Variants in ABTB3 observed in about 807,000 individuals in gnomAD.
ABTB3 encodes ankyrin repeat and BTB domain containing 3, also known as ankyrin repeat- and BTB/POZ domain-containing protein 3.
At chr12:107,434,402 G>A in the ABTB3 span, among the ~76,000 whole-genome samples, 8 of 152,122 alleles carry the variant, frequency 5.3e-5, no homozygotes, top group Admixed American at 2.6e-4. Flanking sequence ...CACCCACAGC[G>A]TCTGCTACAG....
At chr12:107,327,188 G>C in the ABTB3 span, among the ~76,000 whole-genome samples, 1 of 152,130 alleles carries the variant, frequency 6.6e-6, no homozygotes, top group Admixed American at 6.5e-5. Context: ...AATTTAGTAA[G>C]ACTTTCATCT....
chr12:107,375,042 A>G, the ABTB3 span, among the ~76,000 whole-genome samples: 1 of 152,168 alleles, frequency 6.6e-6, no homozygotes, highest in South Asian at 2.1e-4. Context: ...CAGAGAAAAC[A>G]TTTAGCAAGC....
At chr12:107,441,186 A>G in the ABTB3 span, among the ~76,000 whole-genome samples, 1 of 152,142 alleles carries the variant, frequency 6.6e-6, no homozygotes, top group South Asian at 2.1e-4. Context: ...CACTATTCAC[A>G]CTAGCAAAGA....
the ABTB3 span, chr12:107,657,518 G>A: frequency 1.2e-6 from 2 of 1,614,084 alleles, no homozygotes; most frequent in Non-Finnish European, 1.7e-6. Context: ...GTTTCTTGGA[G>A]TCACAGAGCT....
the ABTB3 span, among the ~76,000 whole-genome samples, chr12:107,336,184 T>A: frequency 1.3e-5 from 2 of 152,218 alleles, no homozygotes; most frequent in Admixed American, 6.5e-5. Flanking sequence ...GTGCTTGTTG[T>A]CATTTGTCAA....
At chr12:107,372,550 A>G in the ABTB3 span, among the ~76,000 whole-genome samples, 19 of 152,166 alleles carry the variant, frequency 1.2e-4, no homozygotes, top group Admixed American at 9.8e-4. Context: ...AGGTGTCCAC[A>G]TGACTAAATC....
chr12:107,473,681 G>C, the ABTB3 span, among the ~76,000 whole-genome samples: 1 of 152,058 alleles, frequency 6.6e-6, no homozygotes, highest in African/African-American at 2.4e-5. Flanking sequence ...TCTGTGTCTG[G>C]CTTCTTTTGC....
chr12:107,402,159 G>C, the ABTB3 span, among the ~76,000 whole-genome samples: 3 of 152,168 alleles, frequency 2.0e-5, no homozygotes, highest in Non-Finnish European at 4.4e-5. Context: ...TGGACTCTTA[G>C]TAGTAGTACC....
chr12:107,325,874 A>C, the ABTB3 span, among the ~76,000 whole-genome samples: 4 of 152,338 alleles, frequency 2.6e-5, no homozygotes, highest in South Asian at 8.3e-4. Flanking sequence ...TAAGAGCTTT[A>C]TGTATTATAA....
At chr12:107,388,418 T>G in the ABTB3 span, among the ~76,000 whole-genome samples, 2 of 151,768 alleles carry the variant, frequency 1.3e-5, no homozygotes, top group Non-Finnish European at 2.9e-5. Context: ...TCTCCTCTCT[T>G]TCTCCCTGCT....
chr12:107,505,593 T>C, the ABTB3 span, among the ~76,000 whole-genome samples: 249 of 152,250 alleles, frequency 1.6e-3, 1 homozygote, highest in African/African-American at 5.6e-3. Flanking sequence ...GTTTTTTTTT[T>C]TTTAAGTGGG....
At chr12:107,502,202 T>G in the ABTB3 span, among the ~76,000 whole-genome samples, 1 of 152,066 alleles carries the variant, frequency 6.6e-6, no homozygotes, top group Middle Eastern at 3.4e-3. Context: ...GCAGCTGGGA[T>G]TACAGGTGCA....
the ABTB3 span, among the ~76,000 whole-genome samples, chr12:107,438,905 A>G: frequency 2.0e-4 from 30 of 152,348 alleles, no homozygotes; most frequent in Admixed American, 1.8e-3. Context: ...TGACCATTCA[A>G]AAAATTATTA....
At chr12:107,530,828 A>C in the ABTB3 span, among the ~76,000 whole-genome samples, 1 of 152,206 alleles carries the variant, frequency 6.6e-6, no homozygotes, top group South Asian at 2.1e-4. Context: ...ATTTTGCTAC[A>C]TTTTGAATTC....
the ABTB3 span, among the ~76,000 whole-genome samples, chr12:107,644,100 G>T: frequency 6.6e-6 from 1 of 152,116 alleles, no homozygotes; most frequent in African/African-American, 2.4e-5. Flanking sequence ...AGAAACTGAG[G>T]CCCAGAGAAG....
chr12:107,523,894 C>T, the ABTB3 span, among the ~76,000 whole-genome samples: 7 of 152,130 alleles, frequency 4.6e-5, no homozygotes, highest in Non-Finnish European at 7.4e-5. Flanking sequence ...CCAGAAGAGG[C>T]CCTCACACCA....
At chr12:107,638,511 G>A in the ABTB3 span, among the ~76,000 whole-genome samples, 4 of 152,144 alleles carry the variant, frequency 2.6e-5, no homozygotes, top group African/African-American at 9.7e-5. Flanking sequence ...CACAGCCCCT[G>A]AACCCCTGGG....
chr12:107,504,317 C>T, the ABTB3 span, among the ~76,000 whole-genome samples: 2 of 152,128 alleles, frequency 1.3e-5, no homozygotes, highest in African/African-American at 4.8e-5. Flanking sequence ...AACATCTACA[C>T]TACGTTAACA....
At chr12:107,354,406 T>A in the ABTB3 span, among the ~76,000 whole-genome samples, 13 of 152,168 alleles carry the variant, frequency 8.5e-5, no homozygotes, top group African/African-American at 3.1e-4. Flanking sequence ...TTGTCTATCT[T>A]CTCCCCTGCC....
Sources: allele counts gnomAD v4.1 joint callset (sites outside exome capture counted in the v4.1 genomes callset), GRCh38; gene constraint gnomAD v4.1.1; transcripts MANE v1.5; gene names NCBI Gene and HGNC (gene_info 2026-07-23, HGNC 2026-07-21).